The following C10orf90 variants were observed in gnomAD, a reference collection of about 807,000 sequenced individuals.
The protein encoded by C10orf90 is chromosome 10 open reading frame 90.
A neutral mutation model predicts 62.5 loss-of-function variants in C10orf90; 56 were observed. The ratio of observed to expected loss-of-function variants is 0.90; its 90% confidence interval spans 0.72 to 1.12. C10orf90 has a LOEUF of 1.12. Ranked by LOEUF, C10orf90 falls within the 50% of genes most tolerant of loss-of-function variation. The probability of loss-of-function intolerance (pLI) is 0.00; values close to 1 mark genes in which losing one functional copy is unlikely to be tolerated. For missense variants in C10orf90, 970 were observed against 880.4 expected, an observed-to-expected ratio of 1.10 and a Z score of -1.29; for synonymous variants, 386 against 340.4, an observed-to-expected ratio of 1.13 and a Z score of -1.47.
chr10:126,648,560 G>A (rs978959484), intron 1 of C10orf90, among the ~76,000 whole-genome samples: 9 of 152,218 alleles, frequency 5.9e-5, no homozygotes, highest in South Asian at 2.1e-4. Context: ...CTGACTTAGC[G>A]TAGACGCGCC....
chr10:126,615,728 A>G (rs535721673), intron 2 of C10orf90, among the ~76,000 whole-genome samples: 1 of 152,288 alleles, frequency 6.6e-6, no homozygotes, highest in African/African-American at 2.4e-5. Context: ...AGGAGGGATA[A>G]CACCTATGCT....
chr10:126,486,443 C>G (rs1481806557), intron 4 of C10orf90, among the ~76,000 whole-genome samples: 1 of 152,098 alleles, frequency 6.6e-6, no homozygotes, highest in Non-Finnish European at 1.5e-5. Flanking sequence ...ATATAAGAAA[C>G]AACTTAAGCA....
intron 2 of C10orf90, among the ~76,000 whole-genome samples, chr10:126,617,785 A>G (rs1845570658): frequency 6.6e-6 from 1 of 152,172 alleles, no homozygotes; most frequent in Non-Finnish European, 1.5e-5. Context: ...GTTTATCTCT[A>G]CAGTAAAAAA....
intron 7 of C10orf90, among the ~76,000 whole-genome samples, chr10:126,434,693 G>T (rs1397513054): frequency 6.6e-6 from 1 of 152,188 alleles, no homozygotes; most frequent in Admixed American, 6.5e-5. Context: ...ATGGAAATGG[G>T]TTGTGTTTAA....
intron 2 of C10orf90, among the ~76,000 whole-genome samples, chr10:126,557,256 C>A (rs1368247330): frequency 6.6e-6 from 1 of 151,796 alleles, no homozygotes; most frequent in African/African-American, 2.4e-5. Flanking sequence ...CTGAGGCGGG[C>A]AGATCACGAG....
At chr10:126,508,154 T>TGAGAGA (rs1249290254) in intron 3 of C10orf90, among the ~76,000 whole-genome samples, 4 of 56,254 alleles carry the variant, frequency 7.1e-5, no homozygotes, top group Admixed American at 2.0e-4. Flanking sequence ...AGTGAATGAG[T>TGAGAGA]GAGTGAGAGA....
At chr10:126,489,541 A>G (rs1032327019) in intron 4 of C10orf90, among the ~76,000 whole-genome samples, 10 of 152,178 alleles carry the variant, frequency 6.6e-5, no homozygotes, top group Non-Finnish European at 1.2e-4. Context: ...CCCACCTATC[A>G]GGATGGATAT....
chr10:126,477,342 T>C (rs1447922067), intron 4 of C10orf90, among the ~76,000 whole-genome samples: 1 of 151,854 alleles, frequency 6.6e-6, no homozygotes, highest in Non-Finnish European at 1.5e-5. Flanking sequence ...TGATTTCTTT[T>C]CATTGGGCTT....
intron 2 of C10orf90, among the ~76,000 whole-genome samples, chr10:126,601,725 C>T (rs1298463501): frequency 6.6e-6 from 1 of 152,226 alleles, no homozygotes; most frequent in African/African-American, 2.4e-5. Flanking sequence ...CAAACTCTTT[C>T]CTGGACCCAG....
chr10:126,594,126 T>TTA (rs1554922656), intron 2 of C10orf90, among the ~76,000 whole-genome samples: 1 of 149,906 alleles, frequency 6.7e-6, no homozygotes, highest in South Asian at 2.1e-4. Context: ...TTTTTTTTTT[T>TTA]AACCTAAAAT....
At chr10:126,564,502 TC>T (rs1013748191) in intron 2 of C10orf90, among the ~76,000 whole-genome samples, 86 of 151,538 alleles carry the variant, frequency 5.7e-4, no homozygotes, top group African/African-American at 2.1e-3. Flanking sequence ...GTAGCCCGAG[TC>T]CCTGGAGTTT....
intron 4 of C10orf90, among the ~76,000 whole-genome samples, chr10:126,472,917 G>T (rs1860658245): frequency 1.3e-5 from 2 of 152,152 alleles, no homozygotes; most frequent in Admixed American, 6.5e-5. Context: ...TCATCTGAGG[G>T]TACTGAGCCT....
intron 4 of C10orf90, among the ~76,000 whole-genome samples, chr10:126,467,284 AAAG>A (rs1274917177): frequency 6.6e-6 from 1 of 152,228 alleles, no homozygotes. Context: ...ATATGCAGCC[AAAG>A]AAGGACTTTT....
chr10:126,450,137 A>T (rs1859079706), intron 7 of C10orf90, among the ~76,000 whole-genome samples: 1 of 152,212 alleles, frequency 6.6e-6, no homozygotes, highest in African/African-American at 2.4e-5. Flanking sequence ...TGAAATATAT[A>T]TGTACACTAA....
Position 126,464,794 on chromosome 10 carries a change from G to T in C10orf90, c.1727C>A (p.Pro576His). The T allele has an allele frequency of 6.2e-7, 1 of 1,614,044 alleles. No homozygotes were observed. Among genetic ancestry groups the T allele is most frequent in the East Asian group, 2.2e-5 (1 of 44,858 alleles). The stretch of plus-strand genomic sequence containing the variant: ...AAGAAACCCAGGAAAAAGGATTCTG[G>T]GTTTCAGGAAGCTTTGATGTCGTCT... ...TERRHQSFLKPRILFPGFLCP... is the reference protein window; with the variant it reads ...TERRHQSFLKHRILFPGFLCP... Residue 576 changes from proline (P) to histidine (H), a missense_variant, in exon 5 of 10, where the codon CCC (proline) becomes CAC (histidine). Transcript: ENST00000488181.
At chr10:126,486,569 A>G (rs1219883683) in intron 4 of C10orf90, among the ~76,000 whole-genome samples, 1 of 152,224 alleles carries the variant, frequency 6.6e-6, no homozygotes, top group African/African-American at 2.4e-5. Context: ...AAAATACTGG[A>G]TATAAACTAA....
chr10:126,537,219 T>A (rs539759734), intron 2 of C10orf90, among the ~76,000 whole-genome samples: 107 of 152,310 alleles, frequency 7.0e-4, no homozygotes, highest in African/African-American at 2.3e-3. Context: ...CCATGTCATT[T>A]CCAACAGGAG....
rs1402040292 is a variant in C10orf90 at position 126,453,050 on chromosome 10, A to T, written c.2188+5990T>A. The stretch of plus-strand genomic sequence containing the variant: ...TCTCCTGGGTCGCATCTTCAGCTAG[A>T]TGCTCTGGGAATCCAAATTAATTTT... On this transcript the variant is annotated intron_variant, in intron 7 of 9. Coordinates refer to ENST00000488181, the MANE Select transcript of C10orf90 (RefSeq NM_001350921.2). The surrounding 1 kb of genome is among the most constrained non-coding windows in gnomAD (Gnocchi z 4.9). Among the ~76,000 whole-genome samples, 1 of 152,160 alleles carries T rather than the reference A, an allele frequency of 6.6e-6. No homozygotes were observed. The highest frequency in any genetic ancestry group is 2.4e-5 in the African/African-American group (1 of 41,442).
At chr10:126,467,948 C>T (rs918176275) in intron 4 of C10orf90, among the ~76,000 whole-genome samples, 8 of 152,224 alleles carry the variant, frequency 5.3e-5, no homozygotes, top group African/African-American at 9.6e-5. Context: ...CCACATTCTA[C>T]GAGACAGGAC....
Sources: allele counts gnomAD v4.1 joint callset (sites outside exome capture counted in the v4.1 genomes callset), GRCh38; gene constraint gnomAD v4.1.1; non-coding constraint Gnocchi (gnomAD v3.1); transcripts MANE v1.5; gene names NCBI Gene and HGNC (gene_info 2026-07-23, HGNC 2026-07-21).